CTNNA3: variants seen among roughly 807,000 people sequenced by gnomAD.
CTNNA3 encodes the protein catenin alpha-3.
Under a neutral mutation model 95.7 loss-of-function variants are expected in CTNNA3, and 76 were observed. The observed-to-expected ratio is 0.79, with a 90% CI of 0.66 to 0.96. The LOEUF is 0.96. Among genes scored for constraint, CTNNA3 ranks in the 40% least tolerant of loss-of-function variants. The probability of loss-of-function intolerance (pLI) is 0.00; values close to 1 mark genes in which losing one functional copy is unlikely to be tolerated. For synonymous variants in CTNNA3, 431 were observed against 374.4 expected, an observed-to-expected ratio of 1.15 and a Z score of -1.74; for missense variants, 1,191 against 1,089.8, an observed-to-expected ratio of 1.09 and a Z score of -1.31.
chr10:66,122,896 A>G (rs1240583016), intron 13 of CTNNA3, among the ~76,000 whole-genome samples: 1 of 152,116 alleles, frequency 6.6e-6, no homozygotes, highest in Non-Finnish European at 1.5e-5. Flanking sequence ...CTGGCCCCAT[A>G]ATTCAATCAA....
At chr10:66,295,565 G>T (rs1349166992) in intron 12 of CTNNA3, among the ~76,000 whole-genome samples, 2 of 152,156 alleles carry the variant, frequency 1.3e-5, no homozygotes, top group African/African-American at 4.8e-5. Flanking sequence ...TTGCAATAAG[G>T]TAGTGTCAGT....
chr10:66,049,159 A>G (rs1011447350), intron 15 of CTNNA3, among the ~76,000 whole-genome samples: 2 of 152,194 alleles, frequency 1.3e-5, no homozygotes, highest in Admixed American at 6.5e-5. Flanking sequence ...AAGAAGACAC[A>G]TATCTGGCCA....
chr10:66,267,148 A>T (rs139110486), intron 13 of CTNNA3, among the ~76,000 whole-genome samples: 19 of 152,212 alleles, frequency 1.2e-4, no homozygotes, highest in African/African-American at 4.3e-4. Context: ...CTCTATACTA[A>T]GCCTAGTAAT....
intron 11 of CTNNA3, among the ~76,000 whole-genome samples, chr10:66,427,078 T>C (rs1235296478): frequency 6.6e-6 from 1 of 151,970 alleles, no homozygotes; most frequent in African/African-American, 2.4e-5. Flanking sequence ...TATATACTTT[T>C]GTTGATGTTG....
At chr10:66,086,132 CT>C (rs542795685) in intron 14 of CTNNA3, among the ~76,000 whole-genome samples, 1 of 152,136 alleles carries the variant, frequency 6.6e-6, no homozygotes, top group African/African-American at 2.4e-5. Context: ...ATAGACAAGG[CT>C]TTTCCAAGTA....
intron 5 of CTNNA3, among the ~76,000 whole-genome samples, chr10:67,457,518 T>G (rs954082006): frequency 6.6e-6 from 1 of 152,170 alleles, no homozygotes; most frequent in Non-Finnish European, 1.5e-5. Flanking sequence ...GAATAAAAAA[T>G]ATCCATTTCT....
intron 5 of CTNNA3, among the ~76,000 whole-genome samples, chr10:67,376,461 A>G (rs1353425521): frequency 1.3e-5 from 2 of 152,204 alleles, no homozygotes; most frequent in Non-Finnish European, 2.9e-5. Context: ...TAAATAATAA[A>G]TAAGTCCTCA....
At chr10:66,134,961 A>T (rs1004435452) in intron 13 of CTNNA3, among the ~76,000 whole-genome samples, 1 of 152,194 alleles carries the variant, frequency 6.6e-6, no homozygotes, top group African/African-American at 2.4e-5. Flanking sequence ...TGGTACTGGT[A>T]AAATGATTCT....
rs539824623 is a variant in CTNNA3, at chr10:65,986,474, A to C, written c.2265+2218T>G. Among the ~76,000 whole-genome samples the C allele has an allele frequency of 4.6e-5, 7 of 151,694 alleles. No individual in the cohort carries two copies. The East Asian group carries it at 1.4e-3, about 29-fold the overall frequency. On this transcript the variant is annotated intron_variant, in intron 16 of 17. Coordinates refer to ENST00000433211, the MANE Select transcript of CTNNA3 (RefSeq NM_013266.4). ...GCAAGCAATCCTATTTCTCATAGCT[A>C]CAAAAAACAAAACACCTAGAAATCA...
At chr10:67,579,574 T>C (rs1304041401) in intron 3 of CTNNA3, among the ~76,000 whole-genome samples, 1 of 152,166 alleles carries the variant, frequency 6.6e-6, no homozygotes, top group Admixed American at 6.5e-5. Context: ...TACCCAGTAA[T>C]GGGGTCACTG....
intron 13 of CTNNA3, among the ~76,000 whole-genome samples, chr10:66,250,928 A>T (rs1460063739): frequency 6.6e-6 from 1 of 152,216 alleles, no homozygotes; most frequent in African/African-American, 2.4e-5. Context: ...GATTGAATTG[A>T]CTAGTTACCA....
At chr10:66,943,138 C>G (rs1387169542) in intron 7 of CTNNA3, among the ~76,000 whole-genome samples, 1 of 152,150 alleles carries the variant, frequency 6.6e-6, no homozygotes, top group Non-Finnish European at 1.5e-5. Flanking sequence ...TGATACATGT[C>G]CTTCACTGGA....
chr10:66,957,530 A>G (rs930457047), intron 7 of CTNNA3, among the ~76,000 whole-genome samples: 4 of 151,102 alleles, frequency 2.6e-5, no homozygotes. Flanking sequence ...TGGGAAGGAC[A>G]TTAGAATAGG....
chr10:67,165,565 T>C (rs1415723776), intron 7 of CTNNA3, among the ~76,000 whole-genome samples: 1 of 152,214 alleles, frequency 6.6e-6, no homozygotes, highest in African/African-American at 2.4e-5. Flanking sequence ...TGATGCAACC[T>C]ATATAGGAAA....
intron 13 of CTNNA3, among the ~76,000 whole-genome samples, chr10:66,246,455 C>T (rs1039345605): frequency 2.6e-5 from 4 of 152,076 alleles, no homozygotes; most frequent in South Asian, 2.1e-4. Flanking sequence ...TTGTCCCCAG[C>T]TCCCAGCTGC....
chr10:67,168,043 A>G (rs1313616871), intron 7 of CTNNA3, among the ~76,000 whole-genome samples: 1 of 152,184 alleles, frequency 6.6e-6, no homozygotes, highest in Non-Finnish European at 1.5e-5. Flanking sequence ...AGGTTGAGGC[A>G]GGAGAATTGC....
chr10:66,356,254 T>C (rs1230620186), intron 12 of CTNNA3, among the ~76,000 whole-genome samples: 1 of 151,900 alleles, frequency 6.6e-6, no homozygotes, highest in East Asian at 1.9e-4. Context: ...ACTGGTATTG[T>C]AACAAGTTTA....
At chr10:66,150,623 T>C (rs1034256673) in intron 13 of CTNNA3, among the ~76,000 whole-genome samples, 11 of 151,976 alleles carry the variant, frequency 7.2e-5, no homozygotes, top group Non-Finnish European at 1.6e-4. Flanking sequence ...CTCAAGCATT[T>C]ATCATTTCCT....
intron 5 of CTNNA3, among the ~76,000 whole-genome samples, chr10:67,285,771 A>C (rs1026434334): frequency 5.9e-5 from 9 of 152,192 alleles, no homozygotes; most frequent in Non-Finnish European, 2.9e-5. Flanking sequence ...TGTTTTTTAC[A>C]AAGGTTCCTA....
Sources: allele counts gnomAD v4.1 joint callset (sites outside exome capture counted in the v4.1 genomes callset), GRCh38; gene constraint gnomAD v4.1.1; transcripts MANE v1.5; gene names NCBI Gene and HGNC (gene_info 2026-07-23, HGNC 2026-07-21).